Variants in ACTR3C observed in about 807,000 individuals in gnomAD.
The protein encoded by ACTR3C is actin related protein 3C.
Under a neutral mutation model 26.3 loss-of-function variants are expected in ACTR3C, and 18 were observed. That is an observed-to-expected ratio of 0.68 (90% confidence interval 0.47 to 1.01). The LOEUF is 1.01. Among genes scored for constraint, ACTR3C ranks in the 50% least tolerant of loss-of-function variants. ACTR3C has a pLI of 0.00. For synonymous variants in ACTR3C, 55 were observed against 94.5 expected (o/e 0.58, Z 2.42); for missense variants, 184 against 250.7 (o/e 0.73, Z 1.80).
chr7:149,929,425 CAAAAAAAAA>C, the ACTR3C span, among the ~76,000 whole-genome samples: 1 of 49,128 alleles, frequency 2.0e-5, no homozygotes, highest in African/African-American at 9.0e-5. Flanking sequence ...AAGATTCTGT[CAAAAAAAAA>C]AAAAAAAAAA....
chr7:149,896,052 A>AC, the ACTR3C span, among the ~76,000 whole-genome samples: 1 of 132,158 alleles, frequency 7.6e-6, no homozygotes, highest in African/African-American at 2.8e-5. Context: ...AAAAAAAAAA[A>AC]AAAACACAAA....
chr7:150,135,970 C>CTA, the ACTR3C span, among the ~76,000 whole-genome samples: 78 of 152,074 alleles, frequency 5.1e-4, no homozygotes, highest in African/African-American at 1.8e-3. Flanking sequence ...CAGATTCTTG[C>CTA]CAGGCATCTC....
At chr7:150,109,087 G>A in the ACTR3C span, among the ~76,000 whole-genome samples, 1 of 152,020 alleles carries the variant, frequency 6.6e-6, no homozygotes, top group African/African-American at 2.4e-5. Context: ...AGTCGGGTGC[G>A]ACCAGAGGCC....
At chr7:149,918,884 C>A in the ACTR3C span, among the ~76,000 whole-genome samples, 2 of 152,296 alleles carry the variant, frequency 1.3e-5, no homozygotes, top group South Asian at 4.1e-4. Flanking sequence ...CTTAAAGGCT[C>A]TGGAACTTGT....
At chr7:150,320,901 T>C (rs1797445919) in intron 1 of ACTR3C, among the ~76,000 whole-genome samples, 1 of 152,214 alleles carries the variant, frequency 6.6e-6, no homozygotes, top group African/African-American at 2.4e-5. Flanking sequence ...TTTAGGATAG[T>C]GTCACTCTAG....
chr7:150,125,980 G>A, the ACTR3C span, among the ~76,000 whole-genome samples: 2 of 152,166 alleles, frequency 1.3e-5, no homozygotes, highest in Non-Finnish European at 2.9e-5. Flanking sequence ...TGCTCTCTCT[G>A]GCTGAACTGG....
intron 1 of ACTR3C, among the ~76,000 whole-genome samples, chr7:150,298,203 A>G (rs1795108816): frequency 6.6e-6 from 1 of 150,490 alleles, no homozygotes; most frequent in Non-Finnish European, 1.5e-5. Flanking sequence ...CCCCTAAACA[A>G]ATACAGGGTA....
At position 150,303,763 on chromosome 7, in the gene ACTR3C, C is replaced by A. The variant is rs1305573276; in HGVS notation, c.-51-8416G>T. Among the ~76,000 whole-genome samples, 4 of 152,204 alleles carry A rather than the reference C, an allele frequency of 2.6e-5. No homozygotes were observed. In the East Asian group the frequency reaches 7.7e-4, roughly 29 times the overall value. On this transcript the variant is annotated intron_variant, in intron 1 of 7. Coordinates refer to ENST00000683684, the MANE Select transcript of ACTR3C (RefSeq NM_001164458.2). ...ATAACAAGATCTAAATTGGAGATGT[C>A]CAGTTATTCTGGGGTTTTTTCTCTC...
the ACTR3C span, among the ~76,000 whole-genome samples, chr7:150,163,026 C>A: frequency 2.6e-5 from 4 of 151,964 alleles, no homozygotes; most frequent in East Asian, 5.8e-4. Flanking sequence ...TGGTGGTGCA[C>A]ACCTGTAATT....
intron 6 of ACTR3C, among the ~76,000 whole-genome samples, chr7:150,256,332 C>G (rs1458801966): frequency 1.3e-5 from 2 of 152,230 alleles, no homozygotes; most frequent in African/African-American, 4.8e-5. Flanking sequence ...GTTTTAAGTT[C>G]TTTGAGAAAT....
the ACTR3C span, among the ~76,000 whole-genome samples, chr7:150,036,583 C>G: frequency 6.9e-6 from 1 of 144,206 alleles, no homozygotes; most frequent in Non-Finnish European, 1.6e-5. Flanking sequence ...CATACAAAGG[C>G]TTGGCTAATA....
At chr7:149,994,574 C>T in the ACTR3C span, among the ~76,000 whole-genome samples, 1 of 151,988 alleles carries the variant, frequency 6.6e-6, no homozygotes, top group South Asian at 2.1e-4. Context: ...GCACTCCAGC[C>T]TGGGCAACAA....
At chr7:150,122,309 G>A in the ACTR3C span, among the ~76,000 whole-genome samples, 3 of 151,668 alleles carry the variant, frequency 2.0e-5, no homozygotes, top group African/African-American at 7.3e-5. Context: ...TATCATCAGA[G>A]TGAACAGGGA....
At chr7:150,108,309 T>C in the ACTR3C span, among the ~76,000 whole-genome samples, 1 of 150,304 alleles carries the variant, frequency 6.7e-6, no homozygotes, top group East Asian at 1.9e-4. Flanking sequence ...GATGGATAAC[T>C]AGAAGAACAG....
chr7:150,160,678 G>A, the ACTR3C span, among the ~76,000 whole-genome samples: 1 of 151,838 alleles, frequency 6.6e-6, no homozygotes, highest in Non-Finnish European at 1.5e-5. Flanking sequence ...ATTGAAAAAT[G>A]TATATATGAA....
chr7:149,918,315 A>C, the ACTR3C span, among the ~76,000 whole-genome samples: 1 of 152,130 alleles, frequency 6.6e-6, no homozygotes, highest in Admixed American at 6.6e-5. Flanking sequence ...TGGACTAAAC[A>C]TATTATCTAA....
chr7:149,923,944 T>C, the ACTR3C span, among the ~76,000 whole-genome samples: 4 of 148,530 alleles, frequency 2.7e-5, no homozygotes, highest in African/African-American at 1.0e-4. Flanking sequence ...TTGCAGTGAG[T>C]CGACATCACG....
the ACTR3C span, among the ~76,000 whole-genome samples, chr7:149,949,539 G>A: frequency 2.7e-5 from 4 of 147,860 alleles, no homozygotes; most frequent in Admixed American, 6.6e-5. Flanking sequence ...TTATGTTCAC[G>A]CATGTATTCA....
At chr7:150,168,118 C>G in the ACTR3C span, among the ~76,000 whole-genome samples, 1 of 150,586 alleles carries the variant, frequency 6.6e-6, no homozygotes, top group Admixed American at 6.6e-5. Context: ...TGTTTCATGC[C>G]CTAAAGCAGG....
Sources: allele counts gnomAD v4.1 joint callset (sites outside exome capture counted in the v4.1 genomes callset), GRCh38; gene constraint gnomAD v4.1.1; transcripts MANE v1.5; gene names NCBI Gene and HGNC (gene_info 2026-07-23, HGNC 2026-07-21).